PHOSPHO1: variants seen among roughly 807,000 people sequenced by gnomAD.
PHOSPHO1 encodes the protein phosphoethanolamine/phosphocholine phosphatase 1, also known as phosphoethanolamine/phosphocholine phosphatase.
PHOSPHO1 carries 6 observed loss-of-function variants against 17.7 expected under a neutral mutation model. The observed-to-expected ratio is 0.34, with a 90% CI of 0.19 to 0.67. The LOEUF (loss-of-function observed/expected upper bound fraction) is 0.67, where lower values mean the gene tolerates loss of function less well. Ranked by LOEUF, PHOSPHO1 falls within the 30% of genes least tolerant of loss-of-function variation. PHOSPHO1 has a pLI of 0.69. For missense variants in PHOSPHO1, 330 were observed against 392.1 expected (o/e 0.84, Z 1.34); for synonymous variants, 159 against 174.6 (o/e 0.91, Z 0.71).
At chr17:49,229,635 T>A (rs968315977) in intron 1 of PHOSPHO1, among the ~76,000 whole-genome samples, 9 of 152,032 alleles carry the variant, frequency 5.9e-5, no homozygotes, top group African/African-American at 1.7e-4. Flanking sequence ...AGAATGAGGA[T>A]GGGGAGGCGA....
At position 49,224,439 on chromosome 17, in the gene PHOSPHO1, C is replaced by T; in HGVS notation, c.611G>A (p.Gly204Asp). Residue 204 changes from glycine (G) to aspartate (D), a missense_variant, in exon 3 of 3, where the codon GGC becomes GAC. Gly to Asp is a moderately conservative substitution (Grantham distance 94). Coordinates refer to ENST00000310544, the MANE Select transcript of PHOSPHO1 (RefSeq NM_178500.4). ...CCCCATGGGGCAGAAGTCGTTGGCGCCGTCGCCCACGTAGAAGAGGCGCTC... is the reference window on the plus strand; with the variant it reads ...CCCCATGGGGCAGAAGTCGTTGGCGTCGTCGCCCACGTAGAAGAGGCGCTC... ...HFERLFYVGDGANDFCPMGLL... is the reference protein window; with the variant it reads ...HFERLFYVGDDANDFCPMGLL... 6.4e-7 allele frequency: 1 copy of T among 1,554,550 alleles called. No individual in the cohort carries two copies. Among genetic ancestry groups the T allele is most frequent in the Non-Finnish European group, 8.7e-7 (1 of 1,151,732 alleles).
At position 49,224,578 on chromosome 17, in the gene PHOSPHO1, G is replaced by C. The variant is rs2043329188; in HGVS notation, c.472C>G (p.Leu158Val). The C allele has an allele frequency of 6.4e-7, 1 of 1,563,256 alleles. No individual in the cohort carries two copies. Among genetic ancestry groups the C allele is most frequent in the Non-Finnish European group, 8.6e-7 (1 of 1,159,920 alleles). Residue 158 changes from leucine to valine, a missense_variant, in exon 3 of 3, where the codon CTG becomes GTG. Physicochemically the swap from Leu to Val is conservative, Grantham distance 32 (BLOSUM62 1). Transcript: ENST00000310544. ...NPSGPDARGL[L>V]ALRPFHTHSC... is the part of the protein sequence containing the mutation. ...TGTGTGTGGAACGGCCGCAGAGCCA[G>C]CAGTCCCCGCGCATCCGGCCCCGAC...
chr17:49,224,434 T>C lies in PHOSPHO1; in HGVS notation c.616A>G (p.Asn206Asp), dbSNP rs779726802. 2 of 1,553,778 alleles carry C rather than the reference T, an allele frequency of 1.3e-6. No individual in the cohort carries two copies. The highest frequency in any genetic ancestry group is 2.7e-5 in the African/African-American group (2 of 73,362). Residue 206 changes from asparagine to aspartate, a missense_variant, in exon 3 of 3, where the codon AAC becomes GAC. Physicochemically the swap from Asn to Asp is conservative, Grantham distance 23. Transcript: ENST00000310544. The part of the protein sequence containing the change: ...ERLFYVGDGA[N>D]DFCPMGLLAG... Reference sequence around the variant, plus strand: ...AGCAGCCCCATGGGGCAGAAGTCGTTGGCGCCGTCGCCCACGTAGAAGAGG... The same window carrying C: ...AGCAGCCCCATGGGGCAGAAGTCGTCGGCGCCGTCGCCCACGTAGAAGAGG...
rs1283444888 is a variant in PHOSPHO1, at chr17:49,229,526, G to T, written c.-68+942C>A. The stretch of plus-strand genomic sequence containing the variant: ...TGGGAAGGGGGTGGGAGGGAAACAG[G>T]CCCCTCTCTGATACAGGCCCTAAGT... On this transcript the variant is annotated intron_variant, in intron 1 of 2. Coordinates refer to ENST00000310544, the MANE Select transcript of PHOSPHO1 (RefSeq NM_178500.4). Among the ~76,000 whole-genome samples, 3 of 152,092 alleles carry T rather than the reference G, an allele frequency of 2.0e-5. No individual in the cohort carries two copies. The East Asian group carries it at 5.8e-4, about 29-fold the overall frequency.
At chr17:49,228,516 C>T (rs935037817) in intron 1 of PHOSPHO1, among the ~76,000 whole-genome samples, 4 of 151,890 alleles carry the variant, frequency 2.6e-5, no homozygotes, top group Non-Finnish European at 4.4e-5. Context: ...TAAGGCCGGG[C>T]GTGGTGGCTC....
chr17:49,225,337 C>T (rs34982306), intron 2 of PHOSPHO1: 24,410 of 985,410 alleles, frequency 0.025, 325 homozygotes, highest in African/African-American at 0.041. Context: ...AGAGCAGCTT[C>T]CAAGGATCAC....
intron 2 of PHOSPHO1, chr17:49,225,781 GGA>G: frequency 7.9e-7 from 1 of 1,258,184 alleles, no homozygotes; most frequent in Non-Finnish European, 1.0e-6. Context: ...GACACACCTG[GGA>G]GACAGGTAAG....
At chr17:49,229,790 C>A (rs1045195021) in intron 1 of PHOSPHO1, among the ~76,000 whole-genome samples, 1 of 152,212 alleles carries the variant, frequency 6.6e-6, no homozygotes, top group Non-Finnish European at 1.5e-5. Flanking sequence ...ATCTTCCTTG[C>A]TCACCACGCC....
At chr17:49,227,720 G>A (rs1181896727) in intron 1 of PHOSPHO1, among the ~76,000 whole-genome samples, 1 of 152,236 alleles carries the variant, frequency 6.6e-6, no homozygotes, top group Non-Finnish European at 1.5e-5. Flanking sequence ...CATCCCAGGA[G>A]CAGGGTACAG....
Position 49,224,861 on chromosome 17 carries a change from G to A in PHOSPHO1, c.189C>T (p.Tyr63=). The change falls in exon 3 of 3, where the codon TAC becomes TAT. Residue 63 remains tyrosine, a synonymous_variant. Coordinates refer to ENST00000310544, the MANE Select transcript of PHOSPHO1 (RefSeq NM_178500.4). ...TGTACTCGTTGTAGAAGCCCTCGCG[G>A]TAGGTGGCTCGCAGGCTCTCCGGGA... ...QRLPESLRAT[Y]REGFYNEYMQ... The A allele has an allele frequency of 6.2e-7, 1 of 1,607,018 alleles. No homozygotes were observed. Among genetic ancestry groups the A allele is most frequent in the South Asian group, 1.1e-5 (1 of 90,106 alleles).
chr17:49,228,787 CAAA>C (rs71144585), intron 1 of PHOSPHO1, among the ~76,000 whole-genome samples: 8 of 78,800 alleles, frequency 1.0e-4, no homozygotes, highest in African/African-American at 2.5e-4. Flanking sequence ...GACTCCGTCT[CAAA>C]AAAAAAAAAA....
At chr17:49,225,839 G>A (rs2043349563) in intron 2 of PHOSPHO1, 3 of 1,203,704 alleles carry the variant, frequency 2.5e-6, no homozygotes, top group Non-Finnish European at 3.2e-6. Context: ...AGAGGAGTGG[G>A]AGGGGCCAGG....
At position 49,226,603 on chromosome 17, in the gene PHOSPHO1, G is replaced by A. The variant is rs770134454; in HGVS notation, c.45+44C>T. ...TATGGAAAGGTGATGGGAAACTGGG[G>A]GCTGAGGCCTCATCCTAGGAGACCC... On this transcript the variant is annotated intron_variant, in intron 2 of 2. Coordinates refer to ENST00000310544, the MANE Select transcript of PHOSPHO1 (RefSeq NM_178500.4). The A allele has an allele frequency of 1.2e-5, 19 of 1,603,816 alleles. No homozygotes were observed. In the Admixed American group the frequency reaches 2.2e-4, roughly 18 times the overall value.
At position 49,224,591 on chromosome 17, in the gene PHOSPHO1, A is replaced by G. The variant is rs780943347; in HGVS notation, c.459T>C (p.Asp153=). 3 of 1,566,762 alleles carry G rather than the reference A, an allele frequency of 1.9e-6. No individual in the cohort carries two copies. The highest frequency in any genetic ancestry group is 1.2e-5 in the South Asian group (1 of 86,476). ...RRILSNPSGP[D]ARGLLALRPF... ...GCCGCAGAGCCAGCAGTCCCCGCGCATCCGGCCCCGACGGGTTGCTGAGGA... is the reference window on the plus strand; with the variant it reads ...GCCGCAGAGCCAGCAGTCCCCGCGCGTCCGGCCCCGACGGGTTGCTGAGGA... Residue 153 remains aspartate (D), a synonymous_variant, in exon 3 of 3, where the codon GAT becomes GAC. Transcript: ENST00000310544.
At chr17:49,226,232 A>C (rs2043355434) in intron 2 of PHOSPHO1, among the ~76,000 whole-genome samples, 1 of 151,558 alleles carries the variant, frequency 6.6e-6, no homozygotes, top group Non-Finnish European at 1.5e-5. Context: ...TTGAGATGGG[A>C]TTGTTTCTCT....
chr17:49,228,787 CAAAAAAAA>C (rs71144585), intron 1 of PHOSPHO1, among the ~76,000 whole-genome samples: 1 of 78,808 alleles, frequency 1.3e-5, no homozygotes, highest in Non-Finnish European at 2.5e-5. Context: ...GACTCCGTCT[CAAAAAAAA>C]AAAAAAAAAA....
At chr17:49,226,828 T>A in intron 1 of PHOSPHO1, 70 bp from the exon 2 acceptor site, 2 of 941,286 alleles carry the variant, frequency 2.1e-6, no homozygotes, top group Non-Finnish European at 3.4e-6. Flanking sequence ...AATACCCACC[T>A]GGCCCTGGTC....
rs1333889312 is a variant in PHOSPHO1, at chr17:49,224,308, C to T, written c.742G>A (p.Val248Met). The change falls in exon 3 of 3, where the codon GTG (valine) becomes ATG (methionine). Residue 248 changes from valine to methionine, a missense_variant. Physicochemically the swap from Val to Met is conservative, Grantham distance 21. Transcript: ENST00000310544. The stretch of plus-strand genomic sequence containing the variant: ...ACATCTGCAGCCGTTTCCCAGGGCA[C>T]CACGCTGGCGCGGAACGAGCTGGGC... The part of the protein sequence containing the change: ...AEPSSFRASV[V>M]PWETAADVRL... 8 of 1,596,460 alleles carry T rather than the reference C, an allele frequency of 5.0e-6. No individual in the cohort carries two copies. In the East Asian group the frequency reaches 1.8e-4, roughly 36 times the overall value.
Position 49,225,013 on chromosome 17 carries a change from A to G in PHOSPHO1, c.46-9T>C. On this transcript the variant is annotated splice_polypyrimidine_tract_variant and intron_variant, in intron 2 of 2. Coordinates refer to ENST00000310544, the MANE Select transcript of PHOSPHO1 (RefSeq NM_178500.4). ...GCGGCCATCCTGCCGTCCTGGGAGCAGGGGGGAGAGCAGCAGGAGGAGGAG... is the reference window on the plus strand; with the variant it reads ...GCGGCCATCCTGCCGTCCTGGGAGCGGGGGGGAGAGCAGCAGGAGGAGGAG... 6.7e-7 allele frequency: 1 copy of G among 1,502,350 alleles called. No individual in the cohort carries two copies. The allele number at this position is 1,502,350 out of a possible 1,614,324, so 93.1% of individuals were successfully genotyped here.
Sources: allele counts gnomAD v4.1 joint callset (sites outside exome capture counted in the v4.1 genomes callset), GRCh38; gene constraint gnomAD v4.1.1; transcripts MANE v1.5; gene names NCBI Gene and HGNC (gene_info 2026-07-23, HGNC 2026-07-21).